The following TRPM6 variants were observed in gnomAD, a reference collection of about 807,000 sequenced individuals.
TRPM6 encodes the protein transient receptor potential cation channel subfamily M member 6, also known as channel kinase 2.
Under a neutral mutation model 247.6 loss-of-function variants are expected in TRPM6, and 111 were observed. That is an observed-to-expected ratio of 0.45 (90% CI 0.38 to 0.52). The LOEUF is 0.52. Among genes scored for constraint, TRPM6 ranks in the 20% least tolerant of loss-of-function variants. TRPM6 has a pLI of 0.00. For missense variants in TRPM6, 2,126 were observed against 2,421.5 expected (o/e 0.88, Z 2.56); for synonymous variants, 892 against 853.8 (o/e 1.04, Z -0.78).
At chr9:74,738,702 T>C (rs1825769533) in intron 35 of TRPM6, 90 bp from the exon 36 acceptor site, 9 of 1,098,512 alleles carry the variant, frequency 8.2e-6, no homozygotes, top group Non-Finnish European at 1.1e-5. Context: ...GAAGATTACC[T>C]AACTCTGGTA....
chr9:74,816,979 A>C lies in TRPM6; in HGVS notation c.1135-15T>G. Reference sequence around the variant, plus strand: ...AATATGGTAATCTACAACAGTGAAAAACAGAGAGCCATACATTTGGGGAAC... The same window carrying C: ...AATATGGTAATCTACAACAGTGAAACACAGAGAGCCATACATTTGGGGAAC... On this transcript the variant is annotated splice_polypyrimidine_tract_variant and intron_variant, in intron 9 of 38. Transcript: ENST00000360774. 1 of 1,610,578 alleles carries C rather than the reference A, an allele frequency of 6.2e-7. No individual in the cohort carries two copies. The highest frequency in any genetic ancestry group is 8.5e-7 in the Non-Finnish European group (1 of 1,176,912).
chr9:74,783,742 C>T (rs1251619274), intron 21 of TRPM6, among the ~76,000 whole-genome samples: 1 of 152,168 alleles, frequency 6.6e-6, no homozygotes, highest in Non-Finnish European at 1.5e-5. Context: ...CAAGAGAAAA[C>T]ATTTCTGGTC....
intron 1 of TRPM6, among the ~76,000 whole-genome samples, chr9:74,887,066 G>A (rs775633828): frequency 1.3e-5 from 2 of 152,222 alleles, no homozygotes; most frequent in Non-Finnish European, 2.9e-5. Context: ...AGCGTCTCCA[G>A]TGCTCTCCCA....
intron 3 of TRPM6, among the ~76,000 whole-genome samples, chr9:74,848,583 T>G (rs1830181720): frequency 6.6e-6 from 1 of 152,192 alleles, no homozygotes; most frequent in Non-Finnish European, 1.5e-5. Flanking sequence ...AAGGTGGGAC[T>G]ACTCCTTCCA....
At chr9:74,759,047 C>A (rs966740249) in intron 27 of TRPM6, among the ~76,000 whole-genome samples, 4 of 152,006 alleles carry the variant, frequency 2.6e-5, no homozygotes, top group African/African-American at 9.7e-5. Context: ...AATAGGGATG[C>A]ATTTAACAAA....
intron 7 of TRPM6, among the ~76,000 whole-genome samples, chr9:74,826,413 T>C (rs891697595): frequency 2.0e-5 from 3 of 152,176 alleles, no homozygotes; most frequent in Non-Finnish European, 4.4e-5. Context: ...GAAGAGGACT[T>C]GAGCCTCCTG....
At chr9:74,852,317 G>T (rs375987544) in intron 3 of TRPM6, among the ~76,000 whole-genome samples, 1 of 151,382 alleles carries the variant, frequency 6.6e-6, no homozygotes, top group Non-Finnish European at 1.5e-5. Flanking sequence ...TCAATCTCCT[G>T]AGTAGCTAGG....
At chr9:74,838,559 A>G (rs1829803691) in intron 5 of TRPM6, among the ~76,000 whole-genome samples, 1 of 152,242 alleles carries the variant, frequency 6.6e-6, no homozygotes, top group African/African-American at 2.4e-5. Context: ...CCTCTAGTAC[A>G]CAACCAGAAG....
At position 74,865,052 on chromosome 9, in the gene TRPM6, AATG is replaced by A. The variant is rs1830804756; in HGVS notation, c.34-6307_34-6305del. Among the ~76,000 whole-genome samples the A allele has an allele frequency of 2.0e-5, 3 of 146,744 alleles. No individual in the cohort carries two copies. In the South Asian group the frequency reaches 6.9e-4, roughly 34 times the overall value. The stretch of plus-strand genomic sequence containing the variant: ...CGTGCCACTGCACTCCAGCCTGGGC[AATG>A]AGAGAGAAATTCCCTCTCAAAAAAA... On this transcript the variant is annotated intron_variant, in intron 1 of 38. Transcript: ENST00000360774.
rs1341851630 is a variant in TRPM6 at position 74,812,359 on chromosome 9, T to C, written c.1383A>G (p.Glu461=). ...GAAAGCGATGGAGGTTCACTCCATATTCTATTAAGAGCTTCACAAAATCCA... is the reference window on the plus strand; with the variant it reads ...GAAAGCGATGGAGGTTCACTCCATACTCTATTAAGAGCTTCACAAAATCCA... ...DRVDFVKLLI[E]YGVNLHRFLT... is the part of the protein sequence containing the mutation. The change falls in exon 12 of 39, where the codon GAA becomes GAG. Residue 461 remains glutamate, a synonymous_variant. Transcript: ENST00000360774. 1 of 1,613,950 alleles carries C rather than the reference T, an allele frequency of 6.2e-7. No individual in the cohort carries two copies. Among genetic ancestry groups the C allele is most frequent in the South Asian group, 1.1e-5 (1 of 91,082 alleles).
Position 74,723,869 on chromosome 9 carries a change from T to C in TRPM6, c.*744A>G, listed in dbSNP as rs1825223867. ...ATGTATTTTATATATATAATATATA[T>C]ATTCCATATATATTATATATATAAA... On this transcript the variant is annotated 3_prime_UTR_variant, in exon 39 of 39. Coordinates refer to ENST00000360774, the MANE Select transcript of TRPM6 (RefSeq NM_017662.5). 1.4e-5 allele frequency: 2 copies of C among 146,692 alleles called. No individual in the cohort carries two copies. The highest frequency in any genetic ancestry group is 5.0e-5 in the African/African-American group (2 of 40,156). 9.1% of individuals were successfully genotyped at this position (146,692 alleles called of 1,614,324 possible). A position where few individuals can be genotyped will look rare whatever the true frequency, so the allele number is the denominator to read the frequency against.
In TRPM6 at chr9:74,796,757, T is replaced by C; in HGVS notation, c.2375A>G (p.Lys792Arg). 2 of 1,614,050 alleles carry C rather than the reference T, an allele frequency of 1.2e-6. No homozygotes were observed. Among genetic ancestry groups the C allele is most frequent in the Non-Finnish European group, 1.7e-6 (2 of 1,179,932 alleles). Reference sequence around the variant, plus strand: ...TGCACTAACCACAGAAGCACTTTCTTTGGAACTGCTGGCGTTCTGGTCACT... The same window carrying C: ...TGCACTAACCACAGAAGCACTTTCTCTGGAACTGCTGGCGTTCTGGTCACT... The part of the protein sequence containing the change: ...YYSDQNASSS[K>R]ESASVKEYDL... The change falls in exon 18 of 39, where the codon AAA (lysine) becomes AGA (arginine). Residue 792 changes from lysine to arginine, a missense_variant. By Grantham distance (26) the Lys-to-Arg change is conservative. This residue lies in a region of TRPM6 where 1,082 missense variants were observed against 1,307.9 expected (regional missense o/e 0.83). Transcript: ENST00000360774.
At chr9:74,863,883 G>T (rs1440007167) in intron 1 of TRPM6, among the ~76,000 whole-genome samples, 1 of 126,294 alleles carries the variant, frequency 7.9e-6, no homozygotes, top group Non-Finnish European at 1.7e-5. Context: ...ACCGCGCCCG[G>T]CAACCTTTTT....
chr9:74,827,891 C>A lies in TRPM6; in HGVS notation c.728G>T (p.Ser243Ile), dbSNP rs1829396363. 6.2e-7 allele frequency: 1 copy of A among 1,614,134 alleles called. No homozygotes were observed. Among genetic ancestry groups the A allele is most frequent in the African/African-American group, 1.3e-5 (1 of 75,016 alleles). ...NPLSKLTTLN[S>I]MHSHFILSDD... ...AGACAGGATGAAGTGCGAGTGCATG[C>A]TGTTGAGTGTTGTGAGCTTGCTGAG... The change falls in exon 7 of 39, where the codon AGC (serine) becomes ATC (isoleucine). Residue 243 changes from serine (S) to isoleucine (I), a missense_variant. This residue lies in a region of TRPM6 where 1,082 missense variants were observed against 1,307.9 expected (regional missense o/e 0.83). Transcript: ENST00000360774.
rs1373244938 is a variant in TRPM6 at position 74,761,447 on chromosome 9, T to C, written c.4785+249A>G. ...ATTTATATCTGGGTGTGGTTGTGTA[T>C]GCCTGTAGTCCCAGCTACTTGGGAG... On this transcript the variant is annotated intron_variant, in intron 27 of 38. Coordinates refer to ENST00000360774, the MANE Select transcript of TRPM6 (RefSeq NM_017662.5). Among the ~76,000 whole-genome samples, 3 of 152,212 alleles carry C rather than the reference T, an allele frequency of 2.0e-5. No individual in the cohort carries two copies. The East Asian group carries it at 5.8e-4, about 29-fold the overall frequency.
At chr9:74,813,989 C>T (rs1828832223) in intron 11 of TRPM6, among the ~76,000 whole-genome samples, 1 of 151,976 alleles carries the variant, frequency 6.6e-6, no homozygotes, top group Non-Finnish European at 1.5e-5. Flanking sequence ...CCCAGCTACT[C>T]GGGAAGCTGA....
Position 74,850,729 on chromosome 9 carries a change from A to C in TRPM6, c.152+4798T>G, listed in dbSNP as rs540635349. On this transcript the variant is annotated intron_variant, in intron 3 of 38. Coordinates refer to ENST00000360774, the MANE Select transcript of TRPM6 (RefSeq NM_017662.5). The stretch of plus-strand genomic sequence containing the variant: ...GAGCAAAACTTCGTCTCAAAAAAAA[A>C]CAAAAAAACAAACAAAAAAAAGGCA... Among the ~76,000 whole-genome samples the C allele has an allele frequency of 1.1e-3, 164 of 152,230 alleles. 1 individual carries two copies. The highest frequency in any genetic ancestry group is 3.6e-3 in the African/African-American group (150 of 41,534).
intron 1 of TRPM6, among the ~76,000 whole-genome samples, chr9:74,882,190 GT>G (rs113259518): frequency 0.013 from 1,999 of 152,034 alleles, 41 homozygotes; most frequent in African/African-American, 0.044. Context: ...AAAAACAAAA[GT>G]ACACAACTGA....
In TRPM6 at chr9:74,867,729, A is replaced by G. The variant is rs148597554; in HGVS notation, c.34-8981T>C. 1.5e-3 allele frequency among the ~76,000 whole-genome samples: 230 copies of G among 152,314 alleles called. 1 individual carries two copies. Among genetic ancestry groups the G allele is most frequent in the Middle Eastern group, 6.8e-3 (2 of 294 alleles). On this transcript the variant is annotated intron_variant, in intron 1 of 38. Transcript: ENST00000360774. ...CGAAGTGTGGAACCAGCCCTTTACAATCCATAGGCAGGATACATCCTATCA... is the reference window on the plus strand; with the variant it reads ...CGAAGTGTGGAACCAGCCCTTTACAGTCCATAGGCAGGATACATCCTATCA...
Sources: allele counts gnomAD v4.1 joint callset (sites outside exome capture counted in the v4.1 genomes callset), GRCh38; gene constraint gnomAD v4.1.1; regional missense constraint gnomAD v4.1.1; transcripts MANE v1.5; gene names NCBI Gene and HGNC (gene_info 2026-07-23, HGNC 2026-07-21).